The following CTNNA3 variants were observed in gnomAD, a reference collection of about 807,000 sequenced individuals.
CTNNA3 encodes the protein catenin alpha 3.
CTNNA3 carries 76 observed loss-of-function variants against 95.7 expected under a neutral mutation model. The ratio of observed to expected loss-of-function variants is 0.79; its 90% confidence interval spans 0.66 to 0.96. The LOEUF (loss-of-function observed/expected upper bound fraction) is 0.96. Among genes scored for constraint, CTNNA3 ranks in the 40% least tolerant of loss-of-function variants. The probability of loss-of-function intolerance (pLI) is 0.00; values close to 1 mark genes in which losing one functional copy is unlikely to be tolerated. For missense variants in CTNNA3, 1,191 were observed against 1,089.8 expected (o/e 1.09, Z -1.31); for synonymous variants, 431 against 374.4 (o/e 1.15, Z -1.74).
At chr10:66,182,865 T>C (rs188232212) in intron 13 of CTNNA3, among the ~76,000 whole-genome samples, 3 of 152,298 alleles carry the variant, frequency 2.0e-5, no homozygotes, top group African/African-American at 7.2e-5. Flanking sequence ...TACTCTATTA[T>C]GTGTCAAACT....
intron 7 of CTNNA3, among the ~76,000 whole-genome samples, chr10:66,825,557 C>T (rs1842477667): frequency 6.6e-6 from 1 of 152,088 alleles, no homozygotes; most frequent in Admixed American, 6.6e-5. Context: ...AGACTATAGG[C>T]ATGAACCACC....
intron 5 of CTNNA3, among the ~76,000 whole-genome samples, chr10:67,459,695 T>A (rs925890361): frequency 6.6e-6 from 1 of 152,204 alleles, no homozygotes; most frequent in Non-Finnish European, 1.5e-5. Context: ...TCTTCATCAC[T>A]TTTTAAAATC....
At chr10:66,693,275 G>A (rs1847627718) in intron 9 of CTNNA3, among the ~76,000 whole-genome samples, 1 of 150,578 alleles carries the variant, frequency 6.6e-6, no homozygotes. Flanking sequence ...GATCTATCAA[G>A]CAAATGGAAA....
chr10:67,059,450 G>A (rs549285106), intron 7 of CTNNA3, among the ~76,000 whole-genome samples: 94 of 152,128 alleles, frequency 6.2e-4, no homozygotes, highest in Non-Finnish European at 1.1e-3. Context: ...CAGACAGATT[G>A]TAAGAGACAC....
At chr10:67,639,275 C>G (rs904374239) in intron 2 of CTNNA3, among the ~76,000 whole-genome samples, 10 of 152,026 alleles carry the variant, frequency 6.6e-5, no homozygotes, top group African/African-American at 1.2e-4. Context: ...ATAAATTCCT[C>G]GACACATACA....
At chr10:67,632,916 C>G (rs1022840424) in intron 2 of CTNNA3, among the ~76,000 whole-genome samples, 2 of 152,156 alleles carry the variant, frequency 1.3e-5, no homozygotes, top group South Asian at 2.1e-4. Flanking sequence ...CACAGCACCC[C>G]ACAAGTTAAG....
intron 1 of CTNNA3, among the ~76,000 whole-genome samples, chr10:67,738,166 C>A (rs1430062004): frequency 2.0e-5 from 3 of 152,114 alleles, no homozygotes; most frequent in Non-Finnish European, 4.4e-5. Context: ...CAACACAACA[C>A]CAGGAGGGGC....
intron 11 of CTNNA3, among the ~76,000 whole-genome samples, chr10:66,500,265 T>C (rs1840237994): frequency 6.6e-6 from 1 of 152,180 alleles, no homozygotes; most frequent in Non-Finnish European, 1.5e-5. Flanking sequence ...GAAATAGTGA[T>C]AGTATAAATA....
intron 5 of CTNNA3, among the ~76,000 whole-genome samples, chr10:67,313,505 T>C (rs186609736): frequency 9.5e-4 from 145 of 152,256 alleles, no homozygotes; most frequent in African/African-American, 3.0e-3. Flanking sequence ...CACTGAAGTA[T>C]ACAAGGCATG....
chr10:66,968,281 T>C (rs1388947156), intron 7 of CTNNA3, among the ~76,000 whole-genome samples: 1 of 151,392 alleles, frequency 6.6e-6, no homozygotes, highest in Non-Finnish European at 1.5e-5. Flanking sequence ...AGAGGCAGTT[T>C]GATTCTACAG....
At chr10:66,137,460 A>C (rs1216369980) in intron 13 of CTNNA3, among the ~76,000 whole-genome samples, 1 of 152,180 alleles carries the variant, frequency 6.6e-6, no homozygotes, top group Non-Finnish European at 1.5e-5. Flanking sequence ...AACCCAATGC[A>C]TGAATCTCAA....
At chr10:66,177,540 TA>T (rs2085779048) in intron 13 of CTNNA3, among the ~76,000 whole-genome samples, 1 of 151,978 alleles carries the variant, frequency 6.6e-6, no homozygotes, top group African/African-American at 2.4e-5. Context: ...AGACGAACGA[TA>T]AAAAGCGATT....
intron 7 of CTNNA3, among the ~76,000 whole-genome samples, chr10:67,143,299 G>A (rs1209011474): frequency 6.6e-6 from 1 of 151,768 alleles, no homozygotes; most frequent in Non-Finnish European, 1.5e-5. Flanking sequence ...GCGGGCGACT[G>A]TAATCCCAGC....
At chr10:66,210,698 A>G (rs1177237317) in intron 13 of CTNNA3, among the ~76,000 whole-genome samples, 1 of 152,244 alleles carries the variant, frequency 6.6e-6, no homozygotes, top group Non-Finnish European at 1.5e-5. Context: ...GTAATGTAAG[A>G]AAGATATCAG....
intron 10 of CTNNA3, among the ~76,000 whole-genome samples, chr10:66,528,163 A>G (rs1476078108): frequency 6.6e-6 from 1 of 152,024 alleles, no homozygotes; most frequent in Non-Finnish European, 1.5e-5. Context: ...GGCCTGTCCA[A>G]ATTAGCTCCT....
At chr10:67,285,435 A>C (rs1304641224) in intron 5 of CTNNA3, among the ~76,000 whole-genome samples, 1 of 152,184 alleles carries the variant, frequency 6.6e-6, no homozygotes, top group Non-Finnish European at 1.5e-5. Flanking sequence ...CCTACAATAC[A>C]TCAGGCACTG....
intron 5 of CTNNA3, among the ~76,000 whole-genome samples, chr10:67,458,733 G>T (rs1847264172): frequency 6.6e-6 from 1 of 151,998 alleles, no homozygotes; most frequent in Non-Finnish European, 1.5e-5. Context: ...ACAAAAAGAG[G>T]TTTATGAAAC....
rs1026589405 is a variant in CTNNA3, at chr10:67,482,611, T to C, written c.579+39231A>G. Among the ~76,000 whole-genome samples, 40 of 152,286 alleles carry C rather than the reference T, an allele frequency of 2.6e-4. No homozygotes were observed. The East Asian group carries it at 2.9e-3, about 11-fold the overall frequency. ...TGTACATTGATTTTGTATCCTGAGA[T>C]TTTGCTGAAGTTGCTTATCAGCTTA... On this transcript the variant is annotated intron_variant, in intron 5 of 17. Coordinates refer to ENST00000433211, the MANE Select transcript of CTNNA3 (RefSeq NM_013266.4).
chr10:66,434,631 C>G (rs960176859), intron 11 of CTNNA3, among the ~76,000 whole-genome samples: 1 of 152,118 alleles, frequency 6.6e-6, no homozygotes, highest in Non-Finnish European at 1.5e-5. Context: ...CTTGAATATA[C>G]TTTATTTCTA....
Sources: allele counts gnomAD v4.1 joint callset (sites outside exome capture counted in the v4.1 genomes callset), GRCh38; gene constraint gnomAD v4.1.1; transcripts MANE v1.5; gene names NCBI Gene and HGNC (gene_info 2026-07-23, HGNC 2026-07-21).